Variants in KDM4C observed in about 807,000 individuals in gnomAD.
The protein encoded by KDM4C is lysine demethylase 4C, also known as lysine-specific demethylase 4C.
Under a neutral mutation model 129.3 loss-of-function variants are expected in KDM4C, and 81 were observed. That is an observed-to-expected ratio of 0.63 (90% CI 0.52 to 0.75). KDM4C has a LOEUF of 0.75. KDM4C is among the 30% of genes least tolerant of loss of function. KDM4C has a pLI of 0.00. For missense variants in KDM4C, 1,457 were observed against 1,304.0 expected (o/e 1.12, Z -1.81); for synonymous variants, 573 against 456.1 (o/e 1.26, Z -3.26).
chr9:6,946,806 C>T (rs945105421), intron 8 of KDM4C, among the ~76,000 whole-genome samples: 1 of 151,888 alleles, frequency 6.6e-6, no homozygotes, highest in Non-Finnish European at 1.5e-5. Flanking sequence ...GTCTTTTTCA[C>T]TCTTTAATTG....
intron 1 of KDM4C, among the ~76,000 whole-genome samples, chr9:6,790,027 A>G (rs986459861): frequency 2.7e-5 from 4 of 147,882 alleles, no homozygotes; most frequent in Admixed American, 2.0e-4. Context: ...TAATCCCAGC[A>G]CTTTGGGAGG....
At chr9:6,934,169 T>TA (rs77673136) in intron 8 of KDM4C, among the ~76,000 whole-genome samples, 13 of 150,816 alleles carry the variant, frequency 8.6e-5, no homozygotes, top group Non-Finnish European at 1.5e-4. Flanking sequence ...TTCCTGATTG[T>TA]AAAAAAAATC....
intron 5 of KDM4C, among the ~76,000 whole-genome samples, chr9:6,875,189 G>A (rs1416781339): frequency 6.6e-6 from 1 of 152,170 alleles, no homozygotes; most frequent in East Asian, 1.9e-4. Flanking sequence ...TATCATTTGA[G>A]AGTGATATAA....
At chr9:6,785,729 C>G (rs572415056) in intron 1 of KDM4C, among the ~76,000 whole-genome samples, 1 of 152,360 alleles carries the variant, frequency 6.6e-6, no homozygotes, top group African/African-American at 2.4e-5. Context: ...TTTGCAAAAA[C>G]TTTATTTCCA....
intron 2 of KDM4C, among the ~76,000 whole-genome samples, chr9:6,801,899 G>C (rs1206496831): frequency 6.6e-6 from 1 of 152,024 alleles, no homozygotes; most frequent in Non-Finnish European, 1.5e-5. Context: ...GAGGTCAGGA[G>C]TTCGAGACCA....
chr9:6,902,975 T>A (rs1817661078), intron 8 of KDM4C, among the ~76,000 whole-genome samples: 2 of 152,178 alleles, frequency 1.3e-5, no homozygotes, highest in South Asian at 4.1e-4. Flanking sequence ...CTTGTTGAAT[T>A]TGAAAGGCCG....
At position 7,168,110 on chromosome 9, in the gene KDM4C, C is replaced by T. The variant is rs1478175087; in HGVS notation, c.2902-1688C>T. Among the ~76,000 whole-genome samples the T allele has an allele frequency of 3.3e-5, 5 of 152,274 alleles. No individual in the cohort carries two copies. In the East Asian group the frequency reaches 9.6e-4, roughly 29 times the overall value. ...GGCTGAGGCAGAAGAATCACTTGAA[C>T]CCAGGAGGCAGAGGTTGCAGTGAGC... On this transcript the variant is annotated intron_variant, in intron 20 of 21. Coordinates refer to ENST00000381309, the MANE Select transcript of KDM4C (RefSeq NM_015061.6).
intron 8 of KDM4C, among the ~76,000 whole-genome samples, chr9:6,913,345 G>A (rs1003488572): frequency 6.6e-6 from 1 of 152,196 alleles, no homozygotes; most frequent in African/African-American, 2.4e-5. Flanking sequence ...AATCTTGAAG[G>A]ATATGGTGAA....
intron 4 of KDM4C, among the ~76,000 whole-genome samples, chr9:6,832,677 G>C (rs76468282): frequency 1.3e-5 from 2 of 149,324 alleles, no homozygotes; most frequent in African/African-American, 2.5e-5. Context: ...CACCCGCCTC[G>C]GCCTCCCAAA....
intron 1 of KDM4C, among the ~76,000 whole-genome samples, chr9:6,777,291 C>G (rs12002361): frequency 2.9e-4 from 44 of 152,334 alleles, no homozygotes; most frequent in African/African-American, 1.1e-3. Context: ...CACTTACGTT[C>G]TCAGCAAAAC....
At chr9:6,922,809 A>T (rs1057456926) in intron 8 of KDM4C, among the ~76,000 whole-genome samples, 2 of 152,224 alleles carry the variant, frequency 1.3e-5, no homozygotes, top group Non-Finnish European at 2.9e-5. Flanking sequence ...AATGTCACTA[A>T]GTTTCTTTCA....
At chr9:7,016,024 G>C (rs973911245) in intron 15 of KDM4C, 95 bp downstream of exon 15, 8 of 788,934 alleles carry the variant, frequency 1.0e-5, no homozygotes, top group Non-Finnish European at 1.7e-5. Context: ...TTGCTCAGGT[G>C]CTTATATGTG....
chr9:7,092,797 C>G lies in KDM4C; in HGVS notation c.2425-10888C>G, dbSNP rs560409265. ...GAGCCAGAACATAAGCGGTACACGT[C>G]TTTTAGAGTATGAACGTGTTCTTGC... is the stretch of plus-strand genomic sequence containing the variant. On this transcript the variant is annotated intron_variant, in intron 17 of 21. Coordinates refer to ENST00000381309, the MANE Select transcript of KDM4C (RefSeq NM_015061.6). Among the ~76,000 whole-genome samples, 83 of 152,182 alleles carry G rather than the reference C, an allele frequency of 5.5e-4. 1 individual carries two copies. The South Asian group carries it at 0.017, about 31-fold the overall frequency.
chr9:6,859,031 C>T (rs566950510), intron 5 of KDM4C, among the ~76,000 whole-genome samples: 8 of 152,112 alleles, frequency 5.3e-5, no homozygotes, highest in East Asian at 1.9e-4. Flanking sequence ...ATAAATGTTC[C>T]GTTGTTACTG....
chr9:6,820,055 G>T (rs540574824), intron 4 of KDM4C, among the ~76,000 whole-genome samples: 17 of 152,202 alleles, frequency 1.1e-4, no homozygotes, highest in African/African-American at 4.1e-4. Context: ...GAGGGTATGG[G>T]GAGATAAGAG....
chr9:7,038,456 C>G (rs1016381929), intron 15 of KDM4C, among the ~76,000 whole-genome samples: 7 of 152,046 alleles, frequency 4.6e-5, no homozygotes, highest in Non-Finnish European at 8.8e-5. Flanking sequence ...CTTCATACTA[C>G]TTGTTTTAAT....
At chr9:6,852,401 T>C (rs150694108) in intron 5 of KDM4C, among the ~76,000 whole-genome samples, 1 of 152,174 alleles carries the variant, frequency 6.6e-6, no homozygotes, top group South Asian at 2.1e-4. Context: ...CTCCAGTTCC[T>C]TCACTCCCCC....
chr9:6,879,184 A>G (rs1844057888), intron 5 of KDM4C, among the ~76,000 whole-genome samples: 1 of 152,220 alleles, frequency 6.6e-6, no homozygotes, highest in Non-Finnish European at 1.5e-5. Context: ...CTTCAAAAGT[A>G]TAGTTTATAT....
chr9:7,058,913 T>A (rs758366364), intron 17 of KDM4C, among the ~76,000 whole-genome samples: 5 of 152,162 alleles, frequency 3.3e-5, no homozygotes, highest in Non-Finnish European at 7.3e-5. Flanking sequence ...ATTTGTGTAT[T>A]TGGCAGACAT....
Sources: gnomAD v4.1 joint callset for allele counts (sites outside exome capture counted in the v4.1 genomes callset) on GRCh38, gnomAD v4.1.1 for gene constraint, MANE v1.5 for transcripts, NCBI Gene and HGNC (gene_info 2026-07-23, HGNC 2026-07-21) for gene names.